Variants in COX15 observed in about 807,000 individuals in gnomAD.
The protein encoded by COX15 is cytochrome c oxidase assembly factor COX15.
A neutral mutation model predicts 51.9 loss-of-function variants in COX15; 51 were observed. The ratio of observed to expected loss-of-function variants is 0.98; its 90% CI spans 0.78 to 1.24. The LOEUF is 1.24. COX15 is among the 50% of genes most tolerant of loss of function. COX15 has a pLI of 0.00. For synonymous variants in COX15, 188 were observed against 190.5 expected, an observed-to-expected ratio of 0.99 and a Z score of 0.11; for missense variants, 420 against 501.1, an observed-to-expected ratio of 0.84 and a Z score of 1.55.
At chr10:99,730,807 T>C (rs1209004709) in intron 1 of COX15, among the ~76,000 whole-genome samples, 2 of 152,180 alleles carry the variant, frequency 1.3e-5, no homozygotes, top group African/African-American at 4.8e-5. Flanking sequence ...AAGCCTATAA[T>C]CCCAAGGCTT....
chr10:99,713,959 GA>G lies in COX15; in HGVS notation c.*627del, dbSNP rs1401013654. 1 of 958,492 alleles carries G rather than the reference GA, an allele frequency of 1.0e-6. No individual in the cohort carries two copies. The highest frequency in any genetic ancestry group is 1.2e-6 in the Non-Finnish European group (1 of 813,168). 59.4% of individuals were successfully genotyped at this position (958,492 alleles called of 1,614,324 possible). ...GTACTCCAGCCTGGGCAACAAGAGT[GA>G]AACTCTGTCTCAAAAAAAAAAAAAA... On this transcript the variant is annotated 3_prime_UTR_variant, in exon 9 of 9. Coordinates refer to ENST00000016171, the MANE Select transcript of COX15 (RefSeq NM_078470.6).
At position 99,712,580 on chromosome 10, in the gene COX15, T is replaced by G. The variant is rs1420175036; in HGVS notation, c.*2007A>C. 1.0e-6 allele frequency: 1 copy of G among 984,410 alleles called. No homozygotes were observed. The highest frequency in any genetic ancestry group is 1.2e-6 in the Non-Finnish European group (1 of 829,096). 61.0% of individuals were successfully genotyped at this position (984,410 alleles called of 1,614,324 possible). A position where few individuals can be genotyped will look rare whatever the true frequency, so the allele number is the denominator to read the frequency against. On this transcript the variant is annotated 3_prime_UTR_variant, in exon 9 of 9. Coordinates refer to ENST00000016171, the MANE Select transcript of COX15 (RefSeq NM_078470.6). ...ATTTGTATTGTCACTGTATGGAATCTAGGTATATCCAAGGAAAAATAAACT... is the reference window on the plus strand; with the variant it reads ...ATTTGTATTGTCACTGTATGGAATCGAGGTATATCCAAGGAAAAATAAACT...
intron 5 of COX15, chr10:99,723,237 G>A (rs996651657): frequency 1.3e-5 from 2 of 152,526 alleles, no homozygotes; most frequent in African/African-American, 4.8e-5. Context: ...CTGCCTCCCG[G>A]ATTCAAGCAA....
chr10:99,701,052 G>T, the COX15 span: 1 of 1,613,554 alleles, frequency 6.2e-7, no homozygotes, highest in Admixed American at 1.7e-5. Context: ...GATGAGCATC[G>T]ACTCAAGTAA....
rs2036375575 is a variant in COX15, at chr10:99,711,287, TAATATATGGTTCTTTG to T, written c.*3284_*3299del. The stretch of plus-strand genomic sequence containing the variant: ...TCCTTGGAGGCAACTGTAGAAGCAT[TAATATATGGTTCTTTG>T]GGTTGGGTCATACTGCCCTCTGCTG... On this transcript the variant is annotated 3_prime_UTR_variant, in exon 9 of 9. Coordinates refer to ENST00000016171, the MANE Select transcript of COX15 (RefSeq NM_078470.6). 1 of 985,292 alleles carries T rather than the reference TAATATATGGTTCTTTG, an allele frequency of 1.0e-6. No individual in the cohort carries two copies. The allele number at this position is 985,292 out of a possible 1,614,324, so 61.0% of individuals were successfully genotyped here.
the COX15 span, among the ~76,000 whole-genome samples, chr10:99,701,374 G>A: frequency 4.0e-5 from 6 of 150,990 alleles, no homozygotes; most frequent in South Asian, 4.2e-4. Flanking sequence ...TGCAACCTCC[G>A]CCTCCTGGGT....
At chr10:99,696,059 G>A in the COX15 span, 1 of 1,614,174 alleles carries the variant, frequency 6.2e-7, no homozygotes. Flanking sequence ...CTGGGTTTCG[G>A]AGGCAACTTT....
downstream of COX15, chr10:99,710,215 T>C: frequency 1.0e-6 from 1 of 985,438 alleles, no homozygotes; most frequent in Non-Finnish European, 1.2e-6. Flanking sequence ...GCATTTGGCC[T>C]GCTGCTGGTG....
At chr10:99,715,877 A>G (rs1357056553) in intron 8 of COX15, among the ~76,000 whole-genome samples, 1 of 151,612 alleles carries the variant, frequency 6.6e-6, no homozygotes, top group Non-Finnish European at 1.5e-5. Context: ...GCCATTAATC[A>G]TTGTTTTTGT....
chr10:99,698,229 G>A, the COX15 span, among the ~76,000 whole-genome samples: 4 of 152,152 alleles, frequency 2.6e-5, no homozygotes, highest in African/African-American at 9.7e-5. Flanking sequence ...CTTTTAGGAG[G>A]TACGTGGGAA....
the COX15 span, chr10:99,701,141 T>C: frequency 4.2e-6 from 5 of 1,194,522 alleles, no homozygotes; most frequent in Non-Finnish European, 3.7e-6. Flanking sequence ...ATAATGCAGA[T>C]TAGATTTCAT....
chr10:99,714,655 A>C lies in COX15; in HGVS notation c.1165T>G (p.Ser389Ala). 6.2e-7 allele frequency: 1 copy of C among 1,614,104 alleles called. No individual in the cohort carries two copies. The highest frequency in any genetic ancestry group is 8.5e-7 in the Non-Finnish European group (1 of 1,180,004). ...VPTPLAATHQ[S>A]GSLALLTGAL... Reference sequence around the variant, plus strand: ...CCAGTGAGCAAAGCCAAGGAGCCTGACTGGTGAGTGGCGGCCAGAGGAGTT... The same window carrying C: ...CCAGTGAGCAAAGCCAAGGAGCCTGCCTGGTGAGTGGCGGCCAGAGGAGTT... The change falls in exon 9 of 9, where the codon TCA (serine) becomes GCA (alanine). Residue 389 changes from serine to alanine, a missense_variant. Coordinates refer to ENST00000016171, the MANE Select transcript of COX15 (RefSeq NM_078470.6).
chr10:99,708,294 A>G (rs566885209), downstream of COX15, among the ~76,000 whole-genome samples: 4 of 152,274 alleles, frequency 2.6e-5, no homozygotes, highest in African/African-American at 7.2e-5. Context: ...CCATATTTAT[A>G]TTTTTGAAAT....
chr10:99,719,346 A>C (rs182283049), intron 6 of COX15, among the ~76,000 whole-genome samples: 287 of 151,812 alleles, frequency 1.9e-3, no homozygotes, highest in African/African-American at 6.7e-3. Flanking sequence ...CAGCCTCCCG[A>C]GTAGCTGGGA....
At chr10:99,696,150 T>C in the COX15 span, 1 of 1,609,324 alleles carries the variant, frequency 6.2e-7, no homozygotes, top group Non-Finnish European at 8.5e-7. Flanking sequence ...TCTGAGTTTC[T>C]GAAATATAAT....
In COX15 at chr10:99,714,428, C is replaced by A; in HGVS notation, c.*159G>T. On this transcript the variant is annotated 3_prime_UTR_variant, in exon 9 of 9. Coordinates refer to ENST00000016171, the MANE Select transcript of COX15 (RefSeq NM_078470.6). ...TAACCACACTTAATGCATTCTTGAT[C>A]CAGTGACTATCTCAAAACAGGAAAA... is the stretch of plus-strand genomic sequence containing the variant. 6.7e-7 allele frequency: 1 copy of A among 1,501,238 alleles called. No individual in the cohort carries two copies. Among genetic ancestry groups the A allele is most frequent in the South Asian group, 1.3e-5 (1 of 79,756 alleles). The allele number at this position is 1,501,238 out of a possible 1,614,324, so 93.0% of individuals were successfully genotyped here. A position where few individuals can be genotyped will look rare whatever the true frequency, so the allele number is the denominator to read the frequency against.
chr10:99,720,100 C>T (rs2036710826), intron 6 of COX15, among the ~76,000 whole-genome samples: 1 of 152,100 alleles, frequency 6.6e-6, no homozygotes, highest in Non-Finnish European at 1.5e-5. Flanking sequence ...GGCTCCTCTA[C>T]TGGATAGTGC....
chr10:99,730,843 T>C (rs2037114950), intron 1 of COX15, among the ~76,000 whole-genome samples: 1 of 152,050 alleles, frequency 6.6e-6, no homozygotes, highest in Non-Finnish European at 1.5e-5. Flanking sequence ...AGAGGATCAC[T>C]TGAGGCCAGT....
chr10:99,732,020 C>T lies in COX15; in HGVS notation c.30G>A (p.Arg10=), dbSNP rs1346398930. The T allele has an allele frequency of 6.2e-7, 1 of 1,613,124 alleles. No homozygotes were observed. Among genetic ancestry groups the T allele is most frequent in the Non-Finnish European group, 8.5e-7 (1 of 1,179,794 alleles). Residue 10 remains arginine, a synonymous_variant, in exon 1 of 9, where the codon AGG becomes AGA. Transcript: ENST00000016171. The stretch of plus-strand genomic sequence containing the variant: ...GCAGATACTGCCTCCCCTTCAAGGC[C>T]CTCAACGGCGGAAAGAGCAATCGCT... The part of the protein sequence containing the change: MQRLLFPPL[R]ALKGRQYLPL...
Sources: allele counts gnomAD v4.1 joint callset (sites outside exome capture counted in the v4.1 genomes callset), GRCh38; gene constraint gnomAD v4.1.1; transcripts MANE v1.5; gene names NCBI Gene and HGNC (gene_info 2026-07-23, HGNC 2026-07-21).